The following CLSTN2 variants were observed in gnomAD, a reference collection of about 807,000 sequenced individuals.
CLSTN2 encodes calsyntenin 2.
Under a neutral mutation model 101.2 loss-of-function variants are expected in CLSTN2, and 48 were observed. The ratio of observed to expected loss-of-function variants is 0.47; its 90% CI spans 0.38 to 0.60. The LOEUF (loss-of-function observed/expected upper bound fraction) is 0.60, where lower values mean the gene tolerates loss of function less well. Among genes scored for constraint, CLSTN2 ranks in the 20% least tolerant of loss-of-function variants. CLSTN2 has a pLI of 0.00. For synonymous variants in CLSTN2, 481 were observed against 463.6 expected (o/e 1.04, Z -0.48); for missense variants, 1,160 against 1,238.2 (o/e 0.94, Z 0.95).
At chr3:140,339,972 C>T (rs956630361) in intron 2 of CLSTN2, among the ~76,000 whole-genome samples, 3 of 152,160 alleles carry the variant, frequency 2.0e-5, no homozygotes, top group Admixed American at 2.0e-4. Flanking sequence ...TGACTTTGGG[C>T]AAGTCACAGA....
intron 1 of CLSTN2, among the ~76,000 whole-genome samples, chr3:140,148,606 G>A (rs2009816303): frequency 6.6e-6 from 1 of 152,192 alleles, no homozygotes; most frequent in Non-Finnish European, 1.5e-5. Context: ...TGTGTTTAGT[G>A]CCAAACTCCT....
At chr3:140,225,919 A>T (rs191887580) in intron 2 of CLSTN2, among the ~76,000 whole-genome samples, 2,865 of 143,660 alleles carry the variant, frequency 0.02, 44 homozygotes, top group African/African-American at 0.042. Flanking sequence ...ATTTTTTTTA[A>T]AAAAAAAAGG....
chr3:140,423,072 A>G (rs2088523080), intron 5 of CLSTN2, among the ~76,000 whole-genome samples: 1 of 152,236 alleles, frequency 6.6e-6, no homozygotes, highest in Admixed American at 6.5e-5. Context: ...AGCAAAACAC[A>G]CAGCTATGTC....
At chr3:140,201,896 A>G (rs1452271287) in intron 2 of CLSTN2, among the ~76,000 whole-genome samples, 2 of 152,176 alleles carry the variant, frequency 1.3e-5, no homozygotes, top group Non-Finnish European at 2.9e-5. Context: ...GAAAACACAG[A>G]AGAGGAGGAA....
At chr3:140,089,374 C>T (rs186289609) in intron 1 of CLSTN2, among the ~76,000 whole-genome samples, 2 of 152,258 alleles carry the variant, frequency 1.3e-5, no homozygotes, top group East Asian at 3.9e-4. Context: ...TGGTTCAACA[C>T]CTGAGTTGGC....
chr3:139,971,374 CA>C (rs1447772041), intron 1 of CLSTN2, among the ~76,000 whole-genome samples: 13 of 152,182 alleles, frequency 8.5e-5, no homozygotes, highest in Non-Finnish European at 1.6e-4. Flanking sequence ...GTGTATTCAA[CA>C]AAATTTATTC....
intron 1 of CLSTN2, among the ~76,000 whole-genome samples, chr3:139,990,742 G>C (rs997802033): frequency 3.9e-5 from 6 of 152,194 alleles, no homozygotes; most frequent in African/African-American, 1.2e-4. Flanking sequence ...TGCCCTTGGA[G>C]TTCATAGGCT....
At chr3:140,537,947 T>G (rs1935390098) in intron 9 of CLSTN2, among the ~76,000 whole-genome samples, 1 of 152,180 alleles carries the variant, frequency 6.6e-6, no homozygotes, top group Non-Finnish European at 1.5e-5. Context: ...TTCCAGGAGA[T>G]GCTGCAGCAC....
intron 1 of CLSTN2, among the ~76,000 whole-genome samples, chr3:139,970,227 G>T (rs1935671393): frequency 6.6e-6 from 1 of 152,106 alleles, no homozygotes; most frequent in Non-Finnish European, 1.5e-5. Flanking sequence ...TGGCTAACCT[G>T]CCTGAGTAAG....
At chr3:140,563,914 G>A (rs1395308287) in intron 15 of CLSTN2, 47 bp from the exon 16 acceptor site, 1 of 1,586,918 alleles carries the variant, frequency 6.3e-7, no homozygotes, top group Admixed American at 1.7e-5. Context: ...ACAAGAATGA[G>A]CTAGGCCTTT....
chr3:139,941,800 C>CATCAG lies in CLSTN2; in HGVS notation c.109+6320_109+6324dup, dbSNP rs575367311. Among the ~76,000 whole-genome samples the CATCAG allele has an allele frequency of 7.2e-5, 11 of 152,318 alleles. No individual in the cohort carries two copies. In the South Asian group the frequency reaches 2.1e-3, roughly 29 times the overall value. ...TCAGCCAGGTCAAATATTATTTCTG[C>CATCAG]ATCAGATTCCAGAGCTAATAAAACA... On this transcript the variant is annotated intron_variant, in intron 1 of 16. Transcript: ENST00000458420.
chr3:140,524,730 A>G (rs1935101487), intron 8 of CLSTN2, among the ~76,000 whole-genome samples: 1 of 152,196 alleles, frequency 6.6e-6, no homozygotes, highest in Non-Finnish European at 1.5e-5. Context: ...CAAAAAAATC[A>G]AAACCATACT....
At chr3:140,412,872 C>T (rs865821325) in intron 4 of CLSTN2, among the ~76,000 whole-genome samples, 4 of 152,034 alleles carry the variant, frequency 2.6e-5, no homozygotes, top group South Asian at 2.1e-4. Context: ...CAAAACTTTT[C>T]GGATGTAGGA....
At chr3:140,027,267 C>A (rs2007440844) in intron 1 of CLSTN2, among the ~76,000 whole-genome samples, 1 of 152,058 alleles carries the variant, frequency 6.6e-6, no homozygotes, top group African/African-American at 2.4e-5. Context: ...GAAAGAGAAC[C>A]TTTGCAGATG....
chr3:140,556,530 G>A lies in CLSTN2; in HGVS notation c.1692G>A (p.Ser564=), dbSNP rs6773764. Residue 564 remains serine, a synonymous_variant, in exon 11 of 17, where the codon TCG becomes TCA. Transcript: ENST00000458420. The part of the protein sequence containing the change: ...GQGIKYHFNP[S]QSILVMEGDD... ...TCTTCCAGTATCACTTCAACCCCTCGCAGTCCATCCTGGTGATGGAAGGTG... is the reference window on the plus strand; with the variant it reads ...TCTTCCAGTATCACTTCAACCCCTCACAGTCCATCCTGGTGATGGAAGGTG... 14,348 of 1,613,860 alleles carry A rather than the reference G, an allele frequency of 8.9e-3. 1,088 individuals carry two copies. In the African/African-American group the frequency reaches 0.17, roughly 19 times the overall value.
chr3:140,474,744 A>C (rs80245269), intron 8 of CLSTN2, among the ~76,000 whole-genome samples: 3,899 of 152,304 alleles, frequency 0.026, 153 homozygotes, highest in African/African-American at 0.088. Context: ...CACACCCTGC[A>C]CTACTGGACC....
intron 2 of CLSTN2, among the ~76,000 whole-genome samples, chr3:140,274,643 T>C (rs1039555464): frequency 6.6e-6 from 1 of 151,918 alleles, no homozygotes; most frequent in Non-Finnish European, 1.5e-5. Context: ...TTTCCCAGCA[T>C]TAGTGTAAGT....
At chr3:140,552,147 G>A (rs1385631966) in intron 10 of CLSTN2, among the ~76,000 whole-genome samples, 1 of 152,108 alleles carries the variant, frequency 6.6e-6, no homozygotes, top group Non-Finnish European at 1.5e-5. Flanking sequence ...CTGCTGTGGG[G>A]CTGCAGATGC....
At chr3:140,366,584 T>G (rs1290796786) in intron 2 of CLSTN2, among the ~76,000 whole-genome samples, 1 of 152,212 alleles carries the variant, frequency 6.6e-6, no homozygotes, top group Non-Finnish European at 1.5e-5. Flanking sequence ...TCCCTCTCTC[T>G]TCTACCCCAG....
Sources: allele counts gnomAD v4.1 joint callset (sites outside exome capture counted in the v4.1 genomes callset), GRCh38; gene constraint gnomAD v4.1.1; transcripts MANE v1.5; gene names NCBI Gene and HGNC (gene_info 2026-07-23, HGNC 2026-07-21).